DRAXIN: variants seen among roughly 807,000 people sequenced by gnomAD.
DRAXIN encodes the protein dorsal inhibitory axon guidance protein, also known as dorsal repulsive axon guidance protein.
DRAXIN carries 27 observed loss-of-function variants against 33.9 expected under a neutral mutation model. The ratio of observed to expected loss-of-function variants is 0.80; its 90% CI spans 0.59 to 1.10. The LOEUF (loss-of-function observed/expected upper bound fraction) is 1.10. Among genes scored for constraint, DRAXIN ranks in the 50% least tolerant of loss-of-function variants. DRAXIN has a pLI of 0.00. For synonymous variants in DRAXIN, 178 were observed against 194.0 expected (o/e 0.92, Z 0.69); for missense variants, 371 against 460.8 (o/e 0.81, Z 1.78).
chr1:11,715,672 A>T (rs1641565753), intron 6 of DRAXIN, among the ~76,000 whole-genome samples: 1 of 152,160 alleles, frequency 6.6e-6, no homozygotes, highest in African/African-American at 2.4e-5. Flanking sequence ...GCACTTGCCC[A>T]GCTGCCTCTT....
At chr1:11,695,609 A>T (rs12031448) in intron 1 of DRAXIN, among the ~76,000 whole-genome samples, 10,911 of 102,166 alleles carry the variant, frequency 0.11, 507 homozygotes, top group Non-Finnish European at 0.14. Context: ...CTCAAAAAAA[A>T]AAATATATAT....
chr1:11,718,743 C>T (rs546083112), intron 6 of DRAXIN, among the ~76,000 whole-genome samples: 266 of 152,282 alleles, frequency 1.7e-3, no homozygotes, highest in Non-Finnish European at 2.7e-3. Flanking sequence ...GCTGGGATTA[C>T]GGGTGTGAGC....
intron 1 of DRAXIN, among the ~76,000 whole-genome samples, chr1:11,699,631 G>C (rs555368782): frequency 6.6e-6 from 1 of 152,068 alleles, no homozygotes; most frequent in Non-Finnish European, 1.5e-5. Context: ...GCAAACCGCC[G>C]GGCGCAGTGG....
chr1:11,702,216 AT>A (rs1277952497), intron 1 of DRAXIN, among the ~76,000 whole-genome samples: 1 of 150,066 alleles, frequency 6.7e-6, no homozygotes, highest in African/African-American at 2.5e-5. Flanking sequence ...ACACACACCC[AT>A]ACATATGCTC....
rs1641695287 is a variant in DRAXIN at position 11,724,347 on chromosome 1, C to G, written c.*4651C>G. ...CCTGAACCCTCCTGCACTCCTCCAG[C>G]TGGAGTCTCACCGCGGATCCCAGGA... On this transcript the variant is annotated 3_prime_UTR_variant, in exon 7 of 7. Transcript: ENST00000294485. 6.6e-6 allele frequency: 1 copy of G among 152,322 alleles called. No individual in the cohort carries two copies. Among genetic ancestry groups the G allele is most frequent in the African/African-American group, 2.4e-5 (1 of 41,462 alleles). The allele number at this position is 152,322 out of a possible 1,614,324, so 9.4% of individuals were successfully genotyped here.
In DRAXIN at chr1:11,712,491, A is replaced by T. The variant is rs1641510015; in HGVS notation, c.847+62A>T. The T allele has an allele frequency of 2.6e-6, 4 of 1,567,780 alleles. No homozygotes were observed. The Admixed American group carries it at 5.0e-5, about 20-fold the overall frequency. Reference sequence around the variant, plus strand: ...GGTACTGGGAGGGAACCTGGGTGGGAGTGGGGGTTCCCACATGTGCAGGAC... The same window carrying T: ...GGTACTGGGAGGGAACCTGGGTGGGTGTGGGGGTTCCCACATGTGCAGGAC... On this transcript the variant is annotated intron_variant, in intron 5 of 6. Transcript: ENST00000294485.
rs1408795587 is a variant in DRAXIN, at chr1:11,722,828, C to CA, written c.*3132_*3133insA. Reference sequence around the variant, plus strand: ...TGTCACAAAATATTATTCTCTCTTTCCTTTTTTTTTTTTTTGGAGATGGAG... The same window carrying CA: ...TGTCACAAAATATTATTCTCTCTTTCACTTTTTTTTTTTTTTGGAGATGGAG... On this transcript the variant is annotated 3_prime_UTR_variant, in exon 7 of 7. Transcript: ENST00000294485. The CA allele has an allele frequency of 7.2e-6, 1 of 138,810 alleles. No homozygotes were observed. Among genetic ancestry groups the CA allele is most frequent in the African/African-American group, 2.6e-5 (1 of 37,972 alleles). 8.6% of individuals were successfully genotyped at this position (138,810 alleles called of 1,614,324 possible). A position where few individuals can be genotyped will look rare whatever the true frequency, so the allele number is the denominator to read the frequency against.
chr1:11,719,509 C>G (rs571763158), intron 6 of DRAXIN, 75 bp from the exon 7 acceptor site: 7 of 1,338,258 alleles, frequency 5.2e-6, no homozygotes, highest in Non-Finnish European at 7.3e-6. Context: ...CTGGCTGGCC[C>G]CGAGCGTGCA....
rs1178103665 is a variant in DRAXIN, at chr1:11,721,888, G to A, written c.*2192G>A. ...TGACATCCCAGCACTCTGGGAGGCC[G>A]AGGTAGGCAGATCACTTGAAGTAAG... is the stretch of plus-strand genomic sequence containing the variant. On this transcript the variant is annotated 3_prime_UTR_variant, in exon 7 of 7. Coordinates refer to ENST00000294485, the MANE Select transcript of DRAXIN (RefSeq NM_198545.4). The A allele has an allele frequency of 1.3e-5, 2 of 152,204 alleles. No homozygotes were observed. Among genetic ancestry groups the A allele is most frequent in the African/African-American group, 2.4e-5 (1 of 41,446 alleles). The allele number at this position is 152,204 out of a possible 1,614,324, so 9.4% of individuals were successfully genotyped here.
chr1:11,710,045 T>C (rs9430627), intron 3 of DRAXIN, among the ~76,000 whole-genome samples: 41,134 of 151,598 alleles, frequency 0.27, 6,330 homozygotes, highest in African/African-American at 0.43. Context: ...ATTAGCTGAG[T>C]GTGGTGGCGC....
chr1:11,706,434 G>A lies in DRAXIN; in HGVS notation c.176G>A (p.Arg59Gln), dbSNP rs775215940. Reference protein sequence around the residue: ...LWTPQASHHRRRGPGKKEWGP... With the variant: ...LWTPQASHHRQRGPGKKEWGP... ...ACGCCTCAGGCCAGCCACCACCGCC[G>A]GCGGGGCCCGGGCAAGAAGGAGTGG... is the stretch of plus-strand genomic sequence containing the variant. Residue 59 changes from arginine to glutamine, a missense_variant, in exon 2 of 7, where the codon CGG becomes CAG. Coordinates refer to ENST00000294485, the MANE Select transcript of DRAXIN (RefSeq NM_198545.4). This position sits in a 1 kb window ranked among gnomAD's most constrained non-coding sequence, Gnocchi z 5.5. The A allele has an allele frequency of 1.2e-5, 19 of 1,611,542 alleles. No homozygotes were observed. Among genetic ancestry groups the A allele is most frequent in the Admixed American group, 3.3e-5 (2 of 59,942 alleles).
rs35198989 is a variant in DRAXIN, at chr1:11,695,601, C to CAA, written c.-11+3758_-11+3759dup. ...TGGGCAACAGAGTGAGATTCTGTCT[C>CAA]AAAAAAAAAAATATATATATATATA... On this transcript the variant is annotated intron_variant, in intron 1 of 6. Transcript: ENST00000294485. 1.5e-4 allele frequency among the ~76,000 whole-genome samples: 22 copies of CAA among 143,420 alleles called. No homozygotes were observed. The South Asian group carries it at 2.5e-3, about 16-fold the overall frequency. 94.1% of individuals were successfully genotyped at this position (143,420 alleles called of 152,430 possible). A position where few individuals can be genotyped will look rare whatever the true frequency, so the allele number is the denominator to read the frequency against.
At chr1:11,687,974 C>T (rs1317754760), upstream of DRAXIN, among the ~76,000 whole-genome samples, 1 of 152,168 alleles carries the variant, frequency 6.6e-6, no homozygotes, top group Non-Finnish European at 1.5e-5. The surrounding 1 kb of genome is among the most constrained non-coding windows in gnomAD (Gnocchi z 4.1). Flanking sequence ...GGAGTCCAGG[C>T]CTCTCCTAAC....
chr1:11,702,262 TACAC>T lies in DRAXIN; in HGVS notation c.-10-3984_-10-3981del, dbSNP rs768659384. 9.8e-5 allele frequency among the ~76,000 whole-genome samples: 14 copies of T among 142,916 alleles called. No homozygotes were observed. In the East Asian group the frequency reaches 2.6e-3, roughly 26 times the overall value. 93.8% of individuals were successfully genotyped at this position (142,916 alleles called of 152,430 possible). On this transcript the variant is annotated intron_variant, in intron 1 of 6. Coordinates refer to ENST00000294485, the MANE Select transcript of DRAXIN (RefSeq NM_198545.4). ...ACACGCTCTCACACACACATGCACA[TACAC>T]ACCCATACCCATACATATTCACACT...
rs1570317077 is a variant in DRAXIN at position 11,711,748 on chromosome 1, T to C, written c.643-103T>C. On this transcript the variant is annotated intron_variant, in intron 3 of 6. Coordinates refer to ENST00000294485, the MANE Select transcript of DRAXIN (RefSeq NM_198545.4). ...CCAGGCTGCCCAGCAGAGGATAAGG[T>C]GGCCTCTGAGAAGCCTCTTTTTTGT... The C allele has an allele frequency of 1.4e-5, 14 of 1,035,166 alleles. No individual in the cohort carries two copies. The Middle Eastern group carries it at 1.2e-3, about 85-fold the overall frequency. The allele number at this position is 1,035,166 out of a possible 1,614,324, so 64.1% of individuals were successfully genotyped here. A position where few individuals can be genotyped will look rare whatever the true frequency, so the allele number is the denominator to read the frequency against.
chr1:11,712,089 G>A, intron 4 of DRAXIN, 124 bp downstream of exon 4: 1 of 1,002,788 alleles, frequency 1.0e-6, no homozygotes, highest in Non-Finnish European at 1.5e-6. Flanking sequence ...GATGTGGGGA[G>A]AGGGGGAGCA....
upstream of DRAXIN, chr1:11,691,664 C>T (rs1323460932): frequency 6.7e-6 from 1 of 148,504 alleles, no homozygotes; most frequent in East Asian, 2.0e-4. Flanking sequence ...CCCCTCCCCG[C>T]GCTCCCGCCC....
rs2100736412 is a variant in DRAXIN, at chr1:11,705,850, T to G, written c.-10-399T>G. Among the ~76,000 whole-genome samples, 1 of 152,316 alleles carries G rather than the reference T, an allele frequency of 6.6e-6. No individual in the cohort carries two copies. The highest frequency in any genetic ancestry group is 6.5e-5 in the Admixed American group (1 of 15,296). ...GGGCCAGAGGCATATTTCTGAGCTCTGAGGGACTCGGTTCCCTCTAGGGGA... is the reference window on the plus strand; with the variant it reads ...GGGCCAGAGGCATATTTCTGAGCTCGGAGGGACTCGGTTCCCTCTAGGGGA... On this transcript the variant is annotated intron_variant, in intron 1 of 6. Coordinates refer to ENST00000294485, the MANE Select transcript of DRAXIN (RefSeq NM_198545.4). This position sits in a 1 kb window ranked among gnomAD's most constrained non-coding sequence, Gnocchi z 4.8.
At chr1:11,697,594 C>T (rs1009160202) in intron 1 of DRAXIN, among the ~76,000 whole-genome samples, 1 of 152,316 alleles carries the variant, frequency 6.6e-6, no homozygotes, top group Non-Finnish European at 1.5e-5. Context: ...ACTATGTGTC[C>T]GCCCTCAGAC....
Sources: allele counts gnomAD v4.1 joint callset (sites outside exome capture counted in the v4.1 genomes callset), GRCh38; gene constraint gnomAD v4.1.1; non-coding constraint Gnocchi (gnomAD v3.1); transcripts MANE v1.5; gene names NCBI Gene and HGNC (gene_info 2026-07-23, HGNC 2026-07-21).